The following KIAA0825 variants were observed in gnomAD, a reference collection of about 807,000 sequenced individuals.
KIAA0825 encodes uncharacterized protein KIAA0825.
Under a neutral mutation model 147.6 loss-of-function variants are expected in KIAA0825, and 119 were observed. The ratio of observed to expected loss-of-function variants is 0.81; its 90% CI spans 0.69 to 0.94. KIAA0825 has a LOEUF of 0.94. Among genes scored for constraint, KIAA0825 ranks in the 40% least tolerant of loss-of-function variants. KIAA0825 has a pLI of 0.00. For synonymous variants in KIAA0825, 470 were observed against 518.1 expected (o/e 0.91, Z 1.26); for missense variants, 1,381 against 1,472.7 (o/e 0.94, Z 1.02).
chr5:94,498,944 C>G (rs1764702320), intron 5 of KIAA0825, among the ~76,000 whole-genome samples: 1 of 152,158 alleles, frequency 6.6e-6, no homozygotes, highest in African/African-American at 2.4e-5. Flanking sequence ...TTACAATAAT[C>G]ACTTGGTAAT....
At chr5:94,539,935 T>C (rs982390128) in intron 2 of KIAA0825, among the ~76,000 whole-genome samples, 2 of 152,080 alleles carry the variant, frequency 1.3e-5, no homozygotes, top group African/African-American at 4.8e-5. Flanking sequence ...GCATTAGGCA[T>C]GTACAGGATC....
At chr5:94,435,927 T>C (rs1311309111) in intron 14 of KIAA0825, among the ~76,000 whole-genome samples, 2 of 152,244 alleles carry the variant, frequency 1.3e-5, no homozygotes, top group Non-Finnish European at 2.9e-5. Context: ...TATCTTCTTT[T>C]GAGAAGTGTC....
intron 14 of KIAA0825, among the ~76,000 whole-genome samples, chr5:94,438,752 GATT>G (rs952401530): frequency 1.3e-5 from 2 of 152,184 alleles, no homozygotes; most frequent in African/African-American, 4.8e-5. Flanking sequence ...AGAAAACAAA[GATT>G]ATCAGAAATG....
chr5:94,530,584 C>T (rs957131771), intron 3 of KIAA0825, among the ~76,000 whole-genome samples: 1 of 152,172 alleles, frequency 6.6e-6, no homozygotes, highest in African/African-American at 2.4e-5. Flanking sequence ...TTAGCAATGG[C>T]TGTGGTGTTA....
chr5:94,487,910 G>T (rs888629447), intron 5 of KIAA0825, among the ~76,000 whole-genome samples: 2 of 152,048 alleles, frequency 1.3e-5, no homozygotes, highest in African/African-American at 4.8e-5. Context: ...CCAAGATTGT[G>T]CCACTGCACT....
At chr5:94,566,145 T>G (rs937999982) in intron 2 of KIAA0825, among the ~76,000 whole-genome samples, 6 of 152,230 alleles carry the variant, frequency 3.9e-5, no homozygotes, top group Admixed American at 6.5e-5. Context: ...TGTGTATATA[T>G]ACCATATTTT....
intron 1 of KIAA0825, among the ~76,000 whole-genome samples, chr5:94,608,475 ATATATAT>A (rs1788001181): frequency 9.2e-5 from 1 of 10,858 alleles, no homozygotes. Context: ...TATATATATA[ATATATAT>A]ATATATATAA....
chr5:94,364,090 A>C (rs1170322889), intron 20 of KIAA0825, among the ~76,000 whole-genome samples: 1 of 152,036 alleles, frequency 6.6e-6, no homozygotes, highest in African/African-American at 2.4e-5. Flanking sequence ...AGGAGCTATC[A>C]GTCTATTTAG....
chr5:94,495,697 G>A (rs778309351), intron 5 of KIAA0825, among the ~76,000 whole-genome samples: 3 of 152,078 alleles, frequency 2.0e-5, no homozygotes, highest in Non-Finnish European at 2.9e-5. Context: ...CATTACACTC[G>A]ATACATAAGA....
In KIAA0825 at chr5:94,478,466, C is replaced by CAT. The variant is rs551330329; in HGVS notation, c.1133-1262_1133-1261insAT. ...CACATGTGCATCACACACACACACACACACACACACACACACAAATTGGGG... is the reference window on the plus strand; with the variant it reads ...CACATGTGCATCACACACACACACACATACACACACACACACACAAATTGGGG... On this transcript the variant is annotated intron_variant, in intron 6 of 20. Transcript: ENST00000682413. Among the ~76,000 whole-genome samples, 9 of 151,826 alleles carry CAT rather than the reference C, an allele frequency of 5.9e-5. No individual in the cohort carries two copies. In the East Asian group the frequency reaches 1.7e-3, roughly 29 times the overall value.
intron 20 of KIAA0825, among the ~76,000 whole-genome samples, chr5:94,270,554 A>G (rs1444116978): frequency 6.6e-6 from 1 of 151,866 alleles, no homozygotes; most frequent in Admixed American, 6.6e-5. Context: ...TTGGTACATG[A>G]ATAGAGAGAC....
chr5:94,470,436 G>C (rs749415683), intron 9 of KIAA0825, among the ~76,000 whole-genome samples: 1 of 152,074 alleles, frequency 6.6e-6, no homozygotes, highest in Non-Finnish European at 1.5e-5. Flanking sequence ...GCATTATTTA[G>C]GCATTAGGTT....
chr5:94,403,935 G>T, intron 15 of KIAA0825, 142 bp from the exon 16 acceptor site: 1 of 627,022 alleles, frequency 1.6e-6, no homozygotes, highest in Non-Finnish European at 2.7e-6. Context: ...TCATATGATT[G>T]ATAACCACCC....
At chr5:94,294,853 A>T (rs1396398470) in intron 20 of KIAA0825, among the ~76,000 whole-genome samples, 7 of 152,092 alleles carry the variant, frequency 4.6e-5, no homozygotes, top group Non-Finnish European at 8.8e-5. Flanking sequence ...TGCCCTTAAC[A>T]TTGTTTCCTT....
chr5:94,205,279 A>ATATATATATATATATATATT (rs1338999892), intron 20 of KIAA0825, among the ~76,000 whole-genome samples: 1 of 138,992 alleles, frequency 7.2e-6, no homozygotes, highest in African/African-American at 2.7e-5. Flanking sequence ...ATATATATAT[A>ATATATATATATATATATATT]TATATATATA....
At chr5:94,589,611 T>C (rs1409861763) in intron 1 of KIAA0825, among the ~76,000 whole-genome samples, 1 of 152,198 alleles carries the variant, frequency 6.6e-6, no homozygotes, top group Non-Finnish European at 1.5e-5. Flanking sequence ...CATGGGAGTT[T>C]TGTACATCTC....
intron 20 of KIAA0825, among the ~76,000 whole-genome samples, chr5:94,291,473 T>A (rs1056295461): frequency 2.6e-5 from 4 of 152,198 alleles, no homozygotes; most frequent in Non-Finnish European, 5.9e-5. Context: ...TTGCTCTATA[T>A]CTCTGTTTTG....
intron 13 of KIAA0825, 41 bp downstream of exon 13, chr5:94,452,918 A>C (rs1418253097): frequency 9.8e-7 from 1 of 1,017,426 alleles, no homozygotes; most frequent in Non-Finnish European, 1.4e-6. Flanking sequence ...TTTAAAAGGA[A>C]TCATAGAATT....
intron 20 of KIAA0825, among the ~76,000 whole-genome samples, chr5:94,346,988 C>G (rs1438707596): frequency 2.6e-5 from 4 of 152,100 alleles, no homozygotes; most frequent in African/African-American, 9.7e-5. Context: ...GGGAGTGAGA[C>G]TGGCCCTTCA....
Sources: gnomAD v4.1 joint callset for allele counts (sites outside exome capture counted in the v4.1 genomes callset) on GRCh38, gnomAD v4.1.1 for gene constraint, MANE v1.5 for transcripts, NCBI Gene and HGNC (gene_info 2026-07-23, HGNC 2026-07-21) for gene names.